The following ABLIM1 variants were observed in gnomAD, a reference collection of about 807,000 sequenced individuals.
ABLIM1 encodes the protein actin-binding LIM protein 1.
Under a neutral mutation model 107.0 loss-of-function variants are expected in ABLIM1, and 40 were observed. The ratio of observed to expected loss-of-function variants is 0.37; its 90% CI spans 0.29 to 0.49. The LOEUF is 0.49. Ranked by LOEUF, ABLIM1 falls within the 20% of genes least tolerant of loss-of-function variation. The pLI is 0.97. For missense variants in ABLIM1, 857 were observed against 1,008.5 expected, an observed-to-expected ratio of 0.85 and a Z score of 2.04; for synonymous variants, 357 against 357.3, an observed-to-expected ratio of 1.00 and a Z score of 0.01.
intron 1 of ABLIM1, among the ~76,000 whole-genome samples, chr10:114,731,593 G>C (rs2082075257): frequency 6.7e-6 from 1 of 150,144 alleles, no homozygotes; most frequent in South Asian, 2.1e-4. Flanking sequence ...CCACCTCCTA[G>C]GTTCAAACCT....
chr10:114,613,114 C>G (rs76795128), intron 1 of ABLIM1, among the ~76,000 whole-genome samples: 6,188 of 152,250 alleles, frequency 0.041, 408 homozygotes, highest in African/African-American at 0.14. Flanking sequence ...TACTTAAAAA[C>G]AGCATTTCAA....
chr10:114,512,786 C>G (rs1233560935), intron 6 of ABLIM1, among the ~76,000 whole-genome samples: 1 of 147,854 alleles, frequency 6.8e-6, no homozygotes, highest in Non-Finnish European at 1.5e-5. Flanking sequence ...GATCGTGCCA[C>G]TGCATTCCAG....
At chr10:114,505,091 A>G (rs550555445) in intron 6 of ABLIM1, among the ~76,000 whole-genome samples, 1 of 152,338 alleles carries the variant, frequency 6.6e-6, no homozygotes, top group African/African-American at 2.4e-5. Flanking sequence ...GACATTGAGC[A>G]GGCTATTAAG....
At chr10:114,767,947 T>G (rs1276055040) in intron 1 of ABLIM1, 4 of 344,702 alleles carry the variant, frequency 1.2e-5, no homozygotes, top group Non-Finnish European at 2.3e-5. Context: ...GGGGATCCGC[T>G]GCCAAAGTTT....
chr10:114,571,850 C>T (rs1309806706), intron 3 of ABLIM1, among the ~76,000 whole-genome samples: 4 of 152,152 alleles, frequency 2.6e-5, no homozygotes, highest in African/African-American at 7.2e-5. Context: ...TCCCTGGGAC[C>T]GTGCCTAGAC....
rs766111459 is a variant in ABLIM1 at position 114,707,902 on chromosome 10, AAAACAAAC to A, written c.-213+60151_-213+60158del. ...GGCGACAAGAGCAAAACTCCGTCTC[AAAACAAAC>A]AAACAAACAAACAACAACAACAACA... On this transcript the variant is annotated intron_variant, in intron 1 of 15. Coordinates refer to the ABLIM1 transcript ENST00000651092. The surrounding 1 kb of genome is among the most constrained non-coding windows in gnomAD (Gnocchi z 4.1). Among the ~76,000 whole-genome samples, 4 of 151,508 alleles carry A rather than the reference AAAACAAAC, an allele frequency of 2.6e-5. No individual in the cohort carries two copies. The highest frequency in any genetic ancestry group is 9.8e-5 in the African/African-American group (4 of 40,860).
chr10:114,554,776 T>C (rs527650398), intron 4 of ABLIM1, among the ~76,000 whole-genome samples: 2 of 152,222 alleles, frequency 1.3e-5, no homozygotes, highest in South Asian at 4.2e-4. Context: ...GAAAAATAAG[T>C]CTTCACTGTT....
the ABLIM1 span, among the ~76,000 whole-genome samples, chr10:114,783,939 C>G: frequency 2.0e-5 from 3 of 151,908 alleles, no homozygotes; most frequent in Admixed American, 6.6e-5. Flanking sequence ...CTTGGCAACA[C>G]GGAAGCTGTT....
intron 6 of ABLIM1, among the ~76,000 whole-genome samples, chr10:114,507,988 C>T (rs1307674399): frequency 2.6e-5 from 4 of 152,352 alleles, no homozygotes; most frequent in Non-Finnish European, 5.9e-5. Flanking sequence ...AAAAGCCCAG[C>T]TTCCCAGCCA....
At chr10:114,716,413 ACAC>A (rs1566267449) in intron 1 of ABLIM1, among the ~76,000 whole-genome samples, 54 of 140,836 alleles carry the variant, frequency 3.8e-4, no homozygotes, top group African/African-American at 1.3e-3. Context: ...AGAGAGAAAC[ACAC>A]ACACACACAC....
At chr10:114,632,091 C>T in intron 1 of ABLIM1, 3 of 985,252 alleles carry the variant, frequency 3.0e-6, no homozygotes, top group Non-Finnish European at 3.6e-6. Flanking sequence ...CCTCGGCGGG[C>T]CCCGCTCCCA....
chr10:114,585,662 G>A (rs540354762), intron 2 of ABLIM1, among the ~76,000 whole-genome samples: 17 of 152,126 alleles, frequency 1.1e-4, no homozygotes, highest in Admixed American at 1.0e-3. Context: ...CCAAACACCA[G>A]CACTTTACTC....
chr10:114,454,739 A>T (rs950494044), intron 12 of ABLIM1, among the ~76,000 whole-genome samples: 1 of 152,210 alleles, frequency 6.6e-6, no homozygotes, highest in Admixed American at 6.5e-5. Flanking sequence ...GTCTGGGCAA[A>T]CATCTTGTCT....
chr10:114,793,530 G>A, the ABLIM1 span, among the ~76,000 whole-genome samples: 1 of 152,168 alleles, frequency 6.6e-6, no homozygotes, highest in Non-Finnish European at 1.5e-5. Flanking sequence ...TAAAAGCAGT[G>A]CAGCTTTATG....
rs568216596 is a variant in ABLIM1, at chr10:114,462,835, T to C, written c.1441+2863A>G. On this transcript the variant is annotated intron_variant, in intron 12 of 22. Coordinates refer to ENST00000533213, the MANE Select transcript of ABLIM1 (RefSeq NM_002313.7). ...CTTAAACATACTTCCTGCTTCTTCA[T>C]CTAGAGCCCTTAGAAGTGACATATT... Among the ~76,000 whole-genome samples the C allele has an allele frequency of 3.9e-5, 6 of 152,254 alleles. No individual in the cohort carries two copies. The South Asian group carries it at 1.2e-3, about 32-fold the overall frequency.
intron 1 of ABLIM1, among the ~76,000 whole-genome samples, chr10:114,681,430 A>G (rs2080744894): frequency 6.6e-6 from 1 of 152,154 alleles, no homozygotes; most frequent in African/African-American, 2.4e-5. Flanking sequence ...TCTGACCTCA[A>G]GTGATCTGCC....
chr10:114,663,692 C>T (rs963510065), intron 1 of ABLIM1, among the ~76,000 whole-genome samples: 2 of 152,232 alleles, frequency 1.3e-5, no homozygotes, highest in Non-Finnish European at 2.9e-5. Flanking sequence ...CACTAAGTGG[C>T]AGGCACATGC....
At chr10:114,632,442 T>C in intron 1 of ABLIM1, 1 of 985,470 alleles carries the variant, frequency 1.0e-6, no homozygotes, top group Non-Finnish European at 1.2e-6. Context: ...TTTCAATTTT[T>C]ACTACGGCTT....
rs2067558554 is a variant in ABLIM1, at chr10:114,547,881, T to C, written c.674-105A>G. ...GTGTGCCCATCACACACTCAATCAATATTTACTCAAGCACCATCTCGGGTC... is the reference window on the plus strand; with the variant it reads ...GTGTGCCCATCACACACTCAATCAACATTTACTCAAGCACCATCTCGGGTC... On this transcript the variant is annotated intron_variant, in intron 4 of 22. Coordinates refer to ENST00000533213, the MANE Select transcript of ABLIM1 (RefSeq NM_002313.7). The C allele has an allele frequency of 3.5e-6, 5 of 1,423,954 alleles. No homozygotes were observed. The African/African-American group carries it at 7.1e-5, about 20-fold the overall frequency. The allele number at this position is 1,423,954 out of a possible 1,614,324, so 88.2% of individuals were successfully genotyped here.
Sources: allele counts gnomAD v4.1 joint callset (sites outside exome capture counted in the v4.1 genomes callset), GRCh38; gene constraint gnomAD v4.1.1; non-coding constraint Gnocchi (gnomAD v3.1); transcripts MANE v1.5; gene names NCBI Gene and HGNC (gene_info 2026-07-23, HGNC 2026-07-21).